Variants in RBPJ observed in about 807,000 individuals in gnomAD.
The protein encoded by RBPJ is recombination signal binding protein for immunoglobulin kappa J region, also known as recombining binding protein suppressor of hairless.
Under a neutral mutation model 67.8 loss-of-function variants are expected in RBPJ, and 9 were observed. The observed-to-expected ratio is 0.13, with a 90% CI of 0.08 to 0.23. RBPJ has a LOEUF of 0.23. Among genes scored for constraint, RBPJ ranks in the 10% least tolerant of loss-of-function variants. The pLI is 1.00. For missense variants in RBPJ, 305 were observed against 595.6 expected (o/e 0.51, Z 5.08); for synonymous variants, 198 against 203.3 (o/e 0.97, Z 0.22).
chr4:26,242,802 T>A (rs1273826725), intron 1 of RBPJ, among the ~76,000 whole-genome samples: 1 of 152,062 alleles, frequency 6.6e-6, no homozygotes, highest in Non-Finnish European at 1.5e-5. Flanking sequence ...ACCTCCATAC[T>A]TAAATACATG....
chr4:26,222,356 G>T (rs555197241), intron 1 of RBPJ, among the ~76,000 whole-genome samples: 1 of 151,850 alleles, frequency 6.6e-6, no homozygotes, highest in Non-Finnish European at 1.5e-5. Context: ...TTAGTTGGGC[G>T]TGGTGGCGGC....
rs146632582 is a variant in RBPJ at position 26,412,114 on chromosome 4, CAA to C, written c.156-3345_156-3344del. On this transcript the variant is annotated intron_variant, in intron 3 of 10. Coordinates refer to ENST00000355476, the MANE Select transcript of RBPJ (RefSeq NM_015874.6). ...TGGGTGACAGAGCAAGACTCCGTCT[CAA>C]AAAAAAAAAAAAAAAGTACCATTTA... Among the ~76,000 whole-genome samples the C allele has an allele frequency of 8.3e-3, 933 of 112,378 alleles. 12 individuals are homozygous for C. The highest frequency in any genetic ancestry group is 0.026 in the African/African-American group (745 of 28,680). The allele number at this position is 112,378 out of a possible 152,430, so 73.7% of individuals were successfully genotyped here. A position where few individuals can be genotyped will look rare whatever the true frequency, so the allele number is the denominator to read the frequency against.
intron 2 of RBPJ, 34 bp downstream of exon 2, chr4:26,386,425 C>G (rs1225276822): frequency 7.0e-7 from 1 of 1,423,480 alleles, no homozygotes; most frequent in Non-Finnish European, 9.8e-7. Flanking sequence ...TTTACACATA[C>G]ATTTTATGAA....
chr4:26,171,579 G>T (rs376015915), intron 1 of RBPJ, among the ~76,000 whole-genome samples: 1 of 152,136 alleles, frequency 6.6e-6, no homozygotes, highest in Non-Finnish European at 1.5e-5. Context: ...AACAAGAAAT[G>T]TATAGTTAGC....
intron 7 of RBPJ, among the ~76,000 whole-genome samples, chr4:26,426,365 A>C (rs747302587): frequency 1.3e-5 from 2 of 152,230 alleles, no homozygotes; most frequent in Non-Finnish European, 2.9e-5. Flanking sequence ...GTAAAGTACC[A>C]GTAGCCTGCC....
intron 1 of RBPJ, among the ~76,000 whole-genome samples, chr4:26,209,748 T>C (rs934299099): frequency 2.0e-5 from 2 of 98,832 alleles, no homozygotes; most frequent in African/African-American, 4.0e-5. Flanking sequence ...CCTCCTTCCC[T>C]CTCTCCCTCC....
intron 1 of RBPJ, among the ~76,000 whole-genome samples, chr4:26,295,429 T>A (rs144391473): frequency 2.8e-4 from 43 of 152,316 alleles, no homozygotes; most frequent in African/African-American, 9.6e-4. Context: ...GTAGTGGACA[T>A]ATTAGTGCCC....
intron 1 of RBPJ, among the ~76,000 whole-genome samples, chr4:26,349,274 G>T (rs1259596160): frequency 6.6e-6 from 1 of 152,042 alleles, no homozygotes; most frequent in East Asian, 1.9e-4. Context: ...GTCTCGCTAT[G>T]TTGCCCAGGC....
chr4:26,131,867 C>T, the RBPJ span, among the ~76,000 whole-genome samples: 1 of 152,190 alleles, frequency 6.6e-6, no homozygotes, highest in Non-Finnish European at 1.5e-5. Context: ...ACCAATAGAT[C>T]CCACCTCTCC....
rs373627256 is a variant in RBPJ, at chr4:26,287,799, AAGGG to A, written c.-166-74633_-166-74630del. 7.8e-5 allele frequency among the ~76,000 whole-genome samples: 11 copies of A among 141,752 alleles called. No homozygotes were observed. In the East Asian group the frequency reaches 2.0e-3, roughly 25 times the overall value. 93.0% of individuals were successfully genotyped at this position (141,752 alleles called of 152,430 possible). A position where few individuals can be genotyped will look rare whatever the true frequency, so the allele number is the denominator to read the frequency against. ...GCAGGCAGGCAAGATGGAAGGAAGG[AAGGG>A]AGGGAGGGAGGGAAAGAGAAAGAAG... On this transcript the variant is annotated intron_variant, in intron 1 of 4. Coordinates refer to the RBPJ transcript ENST00000512351.
intron 1 of RBPJ, among the ~76,000 whole-genome samples, chr4:26,300,184 C>T (rs1198518936): frequency 6.6e-6 from 1 of 151,512 alleles, no homozygotes; most frequent in East Asian, 1.9e-4. Context: ...AGCCTTGTTT[C>T]TTCCTGCTTT....
intron 1 of RBPJ, among the ~76,000 whole-genome samples, chr4:26,357,999 G>GT (rs1727588513): frequency 6.8e-6 from 1 of 147,496 alleles, no homozygotes; most frequent in Non-Finnish European, 1.5e-5. Flanking sequence ...GGTGTTTTTT[G>GT]TATGTTTTTG....
At chr4:26,273,457 G>A (rs576027336) in intron 1 of RBPJ, among the ~76,000 whole-genome samples, 1 of 152,354 alleles carries the variant, frequency 6.6e-6, no homozygotes, top group East Asian at 1.9e-4. Flanking sequence ...GGAGCGTGGA[G>A]CGGGCCTCCC....
chr4:26,175,296 G>A (rs1164418312), intron 1 of RBPJ, among the ~76,000 whole-genome samples: 1 of 152,080 alleles, frequency 6.6e-6, no homozygotes, highest in East Asian at 1.9e-4. Context: ...AGGGCTCCTG[G>A]GCAGCTTGTG....
the RBPJ span, among the ~76,000 whole-genome samples, chr4:26,124,155 G>A: frequency 6.6e-6 from 1 of 151,552 alleles, no homozygotes; most frequent in Non-Finnish European, 1.5e-5. Flanking sequence ...CCCATCAGCC[G>A]AGCAGTATAC....
At chr4:26,255,321 G>C (rs1457597574) in intron 1 of RBPJ, among the ~76,000 whole-genome samples, 1 of 124,126 alleles carries the variant, frequency 8.1e-6, no homozygotes, top group Non-Finnish European at 1.6e-5. Context: ...GGAGAATGGC[G>C]TGAACCCAGG....
In RBPJ at chr4:26,296,562, A is replaced by C. The variant is rs138924992; in HGVS notation, c.-166-65884A>C. On this transcript the variant is annotated intron_variant, in intron 1 of 4. Transcript: ENST00000512351. ...AGTTTTAAGGAGGTTGGCATATATGACTATTAAATATCTTATTCTTTACTT... is the reference window on the plus strand; with the variant it reads ...AGTTTTAAGGAGGTTGGCATATATGCCTATTAAATATCTTATTCTTTACTT... Among the ~76,000 whole-genome samples the C allele has an allele frequency of 5.2e-3, 796 of 152,330 alleles. 9 individuals are homozygous for C. Among genetic ancestry groups the C allele is most frequent in the African/African-American group, 0.018 (768 of 41,566 alleles).
At chr4:26,162,863 G>A (rs1716118981), upstream of RBPJ, among the ~76,000 whole-genome samples, 1 of 152,186 alleles carries the variant, frequency 6.6e-6, no homozygotes, top group Non-Finnish European at 1.5e-5. Flanking sequence ...ACAAGTGTCT[G>A]GAGGAAGAGC....
At position 26,193,614 on chromosome 4, in the gene RBPJ, A is replaced by G. The variant is rs1000619952; in HGVS notation, c.-167+30000A>G. 5.9e-5 allele frequency among the ~76,000 whole-genome samples: 9 copies of G among 152,276 alleles called. No individual in the cohort carries two copies. The East Asian group carries it at 1.4e-3, about 23-fold the overall frequency. Reference sequence around the variant, plus strand: ...GCATCACCATAATCGCTAGTATAATAAATCATGGAACTATTACCCTTGCTC... The same window carrying G: ...GCATCACCATAATCGCTAGTATAATGAATCATGGAACTATTACCCTTGCTC... On this transcript the variant is annotated intron_variant, in intron 1 of 4. Transcript: ENST00000512351.
Sources: allele counts gnomAD v4.1 joint callset (sites outside exome capture counted in the v4.1 genomes callset), GRCh38; gene constraint gnomAD v4.1.1; transcripts MANE v1.5; gene names NCBI Gene and HGNC (gene_info 2026-07-23, HGNC 2026-07-21).